The following FLVCR1 variants were observed in gnomAD, a reference collection of about 807,000 sequenced individuals.
FLVCR1 encodes choline/ethanolamine transporter FLVCR1.
FLVCR1 carries 34 observed loss-of-function variants against 53.6 expected under a neutral mutation model. The observed-to-expected ratio is 0.63, with a 90% CI of 0.48 to 0.84. The LOEUF is 0.84. Among genes scored for constraint, FLVCR1 ranks in the 40% least tolerant of loss-of-function variants. The probability of loss-of-function intolerance (pLI) is 0.00; values close to 1 mark genes in which losing one functional copy is unlikely to be tolerated. For missense variants in FLVCR1, 677 were observed against 696.7 expected, an observed-to-expected ratio of 0.97 and a Z score of 0.32; for synonymous variants, 300 against 286.3, an observed-to-expected ratio of 1.05 and a Z score of -0.48.
rs1287794078 is a variant in FLVCR1 at position 212,858,890 on chromosome 1, C to T, written c.438C>T (p.Ile146=). ...EGFYGVTLLH[I]DWLSMVYMLA... is the part of the protein sequence containing the mutation. ...TCTACGGTGTCACCTTGCTGCACATCGACTGGCTGTCCATGGTGTACATGC... is the reference window on the plus strand; with the variant it reads ...TCTACGGTGTCACCTTGCTGCACATTGACTGGCTGTCCATGGTGTACATGC... Residue 146 remains isoleucine (I), a synonymous_variant, in exon 1 of 10, where the codon ATC becomes ATT. Coordinates refer to ENST00000366971, the MANE Select transcript of FLVCR1 (RefSeq NM_014053.4). 6.2e-7 allele frequency: 1 copy of T among 1,614,254 alleles called. No homozygotes were observed. Among genetic ancestry groups the T allele is most frequent in the Admixed American group, 1.7e-5 (1 of 60,030 alleles).
intron 3 of FLVCR1, among the ~76,000 whole-genome samples, chr1:212,874,766 A>T (rs527240733): frequency 1.2e-4 from 18 of 151,804 alleles, no homozygotes; most frequent in Non-Finnish European, 2.6e-4. Flanking sequence ...TGACCTTGTG[A>T]TCTGCCTACC....
chr1:212,876,451 C>T (rs1013870773), intron 3 of FLVCR1, among the ~76,000 whole-genome samples: 2 of 151,882 alleles, frequency 1.3e-5, no homozygotes, highest in South Asian at 2.1e-4. Context: ...CTGCAACCTC[C>T]GCCTCCCAGG....
At chr1:212,885,169 C>G (rs1316621702) in intron 4 of FLVCR1, 124 bp from the exon 5 acceptor site, 1 of 746,558 alleles carries the variant, frequency 1.3e-6, no homozygotes, top group African/African-American at 1.7e-5. Flanking sequence ...TGTACTAAAT[C>G]TTCCTACTGT....
Position 212,858,787 on chromosome 1 carries a change from T to G in FLVCR1, c.335T>G (p.Leu112Arg). The G allele has an allele frequency of 6.2e-7, 1 of 1,614,160 alleles. No individual in the cohort carries two copies. Among genetic ancestry groups the G allele is most frequent in the Non-Finnish European group, 8.5e-7 (1 of 1,180,024 alleles). Residue 112 changes from leucine to arginine, a missense_variant, in exon 1 of 10, where the codon CTG (leucine) becomes CGG (arginine). Transcript: ENST00000366971. ...ALSPRRFVVL[L>R]IFSLYSLVNA... ...TCCCCGCGGCGCTTCGTGGTGCTCC[T>G]GATCTTCAGCCTGTACTCGCTGGTC...
chr1:212,858,506 C>G lies in FLVCR1; in HGVS notation c.54C>G (p.Leu18=), dbSNP rs1311622005. 1 of 1,448,618 alleles carries G rather than the reference C, an allele frequency of 6.9e-7. No homozygotes were observed. The highest frequency in any genetic ancestry group is 2.8e-5 in the Admixed American group (1 of 36,290). 89.7% of individuals were successfully genotyped at this position (1,448,618 alleles called of 1,614,324 possible). The change falls in exon 1 of 10, where the codon CTC becomes CTG. Residue 18 remains leucine (L), a synonymous_variant. Coordinates refer to ENST00000366971, the MANE Select transcript of FLVCR1 (RefSeq NM_014053.4). ...EGAAVAPGHP[L]AKGYLPLPRG... ...CGGCGGTGGCGCCCGGACACCCGCT[C>G]GCGAAAGGATACCTCCCGTTGCCGA... is the stretch of plus-strand genomic sequence containing the variant.
chr1:212,874,042 T>G (rs1267375486), intron 3 of FLVCR1, among the ~76,000 whole-genome samples: 1 of 152,214 alleles, frequency 6.6e-6, no homozygotes, highest in Non-Finnish European at 1.5e-5. Context: ...AGTTTTGCTC[T>G]TGTTGCCCAG....
intron 4 of FLVCR1, among the ~76,000 whole-genome samples, chr1:212,884,781 A>G (rs1328275844): frequency 6.6e-6 from 1 of 152,214 alleles, no homozygotes; most frequent in East Asian, 1.9e-4. Flanking sequence ...TACCTAGGCT[A>G]CGTGGTATAG....
chr1:212,895,139 C>A, intron 9 of FLVCR1, 77 bp from the exon 10 acceptor site: 1 of 1,378,622 alleles, frequency 7.3e-7, no homozygotes, highest in Non-Finnish European at 1.0e-6. Context: ...CTATTTTTCT[C>A]CCGAGTCAAC....
intron 8 of FLVCR1, among the ~76,000 whole-genome samples, chr1:212,893,151 G>A (rs1042471101): frequency 5.9e-5 from 9 of 151,896 alleles, no homozygotes; most frequent in African/African-American, 2.2e-4. Context: ...TGCCTCCCGG[G>A]TTCAGGCCAT....
At chr1:212,875,676 C>T (rs993681931) in intron 3 of FLVCR1, among the ~76,000 whole-genome samples, 1 of 151,880 alleles carries the variant, frequency 6.6e-6, no homozygotes, top group Non-Finnish European at 1.5e-5. Flanking sequence ...CCCATGTTTA[C>T]TAAAAATACA....
At position 212,896,285 on chromosome 1, in the gene FLVCR1, G is replaced by A. The variant is rs1201709306; in HGVS notation, c.*995G>A. The stretch of plus-strand genomic sequence containing the variant: ...TATAATAACTTCAGATAGCCTACAT[G>A]TCCCCATTTAGTGGAGACCTCTTGA... On this transcript the variant is annotated 3_prime_UTR_variant, in exon 10 of 10. Coordinates refer to ENST00000366971, the MANE Select transcript of FLVCR1 (RefSeq NM_014053.4). 1.1e-4 allele frequency: 17 copies of A among 152,136 alleles called. No individual in the cohort carries two copies. The highest frequency in any genetic ancestry group is 1.1e-3 in the Admixed American group (17 of 15,272). 9.4% of individuals were successfully genotyped at this position (152,136 alleles called of 1,614,324 possible). A position where few individuals can be genotyped will look rare whatever the true frequency, so the allele number is the denominator to read the frequency against.
rs1244919644 is a variant in FLVCR1, at chr1:212,858,390, G to C, written c.-63G>C. 1.8e-5 allele frequency: 25 copies of C among 1,390,934 alleles called. No individual in the cohort carries two copies. The highest frequency in any genetic ancestry group is 2.2e-5 in the Non-Finnish European group (23 of 1,063,358). The allele number at this position is 1,390,934 out of a possible 1,614,324, so 86.2% of individuals were successfully genotyped here. A position where few individuals can be genotyped will look rare whatever the true frequency, so the allele number is the denominator to read the frequency against. ...GGCCCCAGGAGGACCTCGGGCTGTG[G>C]GCCGGGAGAGCGGAGTCGGGGAGTG... is the stretch of plus-strand genomic sequence containing the variant. On this transcript the variant is annotated 5_prime_UTR_variant, in exon 1 of 10. Transcript: ENST00000366971.
chr1:212,859,274 A>G, intron 1 of FLVCR1, 84 bp downstream of exon 1: 1 of 1,586,548 alleles, frequency 6.3e-7, no homozygotes, highest in South Asian at 1.1e-5. Context: ...GCCTGTATGG[A>G]TGAACTGCCC....
intron 2 of FLVCR1, among the ~76,000 whole-genome samples, chr1:212,865,485 A>ATTTTTTTTTTTTTTTTTTTTTTTTT (rs58544929): frequency 7.5e-6 from 1 of 133,656 alleles, no homozygotes. Context: ...TGCAATAGGG[A>ATTTTTTTTTTTTTTTTTTTTTTTTT]TTTTTTTTTT....
chr1:212,885,282 A>AT lies in FLVCR1; in HGVS notation c.1093-4dup. The AT allele has an allele frequency of 1.9e-6, 3 of 1,604,738 alleles. No homozygotes were observed. The highest frequency in any genetic ancestry group is 2.6e-6 in the Non-Finnish European group (3 of 1,171,630). ...TTTATTTGATCAACTTCTTACGCAA[A>AT]TTTTTTTCAGGGAGAAGAAGTCAAT... On this transcript the variant is annotated splice_polypyrimidine_tract_variant and intron_variant, in intron 4 of 9. Coordinates refer to ENST00000366971, the MANE Select transcript of FLVCR1 (RefSeq NM_014053.4).
chr1:212,860,976 G>C (rs1664222635), intron 1 of FLVCR1, among the ~76,000 whole-genome samples: 1 of 152,128 alleles, frequency 6.6e-6, no homozygotes, highest in Admixed American at 6.5e-5. Context: ...CCTATCTGTA[G>C]CCCTTGCTGT....
Position 212,858,578 on chromosome 1 carries a change from C to CA in FLVCR1, c.129dup (p.Ala44SerfsTer46). On this transcript the variant is annotated frameshift_variant, in exon 1 of 10. Transcript: ENST00000366971. LOFTEE classifies it high-confidence loss of function. ...AGAGCGTGGAGCTGCAGAACGGGCC[C>CA]AAAGCGGGCACCTTCCCGGTGAATG... 1.3e-6 allele frequency: 2 copies of CA among 1,497,816 alleles called. No individual in the cohort carries two copies. Among genetic ancestry groups the CA allele is most frequent in the South Asian group, 2.6e-5 (2 of 76,088 alleles). 92.8% of individuals were successfully genotyped at this position (1,497,816 alleles called of 1,614,324 possible). A position where few individuals can be genotyped will look rare whatever the true frequency, so the allele number is the denominator to read the frequency against.
intron 1 of FLVCR1, among the ~76,000 whole-genome samples, chr1:212,859,962 C>T (rs956559861): frequency 1.3e-5 from 2 of 152,084 alleles, no homozygotes; most frequent in African/African-American, 4.8e-5. Context: ...GTTCCTGGCA[C>T]ATAAGGGACA....
At chr1:212,891,940 G>A (rs1558122201) in intron 8 of FLVCR1, among the ~76,000 whole-genome samples, 6 of 152,308 alleles carry the variant, frequency 3.9e-5, no homozygotes, top group Non-Finnish European at 8.8e-5. Flanking sequence ...AGTTTGAGTG[G>A]TCTTGTTAGA....
Sources: allele counts gnomAD v4.1 joint callset (sites outside exome capture counted in the v4.1 genomes callset), GRCh38; gene constraint gnomAD v4.1.1; transcripts MANE v1.5; gene names NCBI Gene and HGNC (gene_info 2026-07-23, HGNC 2026-07-21).